CABLES1: variants seen among roughly 807,000 people sequenced by gnomAD.
CABLES1 encodes CDK5 and ABL1 enzyme substrate 1.
CABLES1 carries 36 observed loss-of-function variants against 57.8 expected under a neutral mutation model. That is an observed-to-expected ratio of 0.62 (90% CI 0.48 to 0.82). The LOEUF is 0.82. Ranked by LOEUF, CABLES1 falls within the 40% of genes least tolerant of loss-of-function variation. CABLES1 has a pLI of 0.00. For synonymous variants in CABLES1, 374 were observed against 363.0 expected (o/e 1.03, Z -0.35); for missense variants, 767 against 836.6 (o/e 0.92, Z 1.03).
rs143696210 is a variant in CABLES1, at chr18:23,175,863, T to C, written c.846-12975T>C. On this transcript the variant is annotated intron_variant, in intron 1 of 9. Coordinates refer to ENST00000256925, the MANE Select transcript of CABLES1 (RefSeq NM_001100619.3). ...TATGTACCAGGTAATGTGCTAATCA[T>C]TGAAGGGGTTTCAAAGAAAGAAAGA... 2.7e-3 allele frequency among the ~76,000 whole-genome samples: 418 copies of C among 152,302 alleles called. 1 individual carries two copies. Among genetic ancestry groups the C allele is most frequent in the Non-Finnish European group, 4.4e-3 (301 of 68,022 alleles).
chr18:23,169,986 G>A (rs2047071154), intron 1 of CABLES1, among the ~76,000 whole-genome samples: 1 of 152,262 alleles, frequency 6.6e-6, no homozygotes, highest in African/African-American at 2.4e-5. Flanking sequence ...CGCGTGGGAG[G>A]GGGTAGGATT....
At chr18:23,143,049 A>G (rs561391290) in intron 1 of CABLES1, among the ~76,000 whole-genome samples, 1 of 152,280 alleles carries the variant, frequency 6.6e-6, no homozygotes, top group African/African-American at 2.4e-5. Context: ...GCTGTGCTAC[A>G]ATTTACAGGT....
At chr18:23,224,791 G>T (rs988157700) in intron 4 of CABLES1, among the ~76,000 whole-genome samples, 1 of 151,714 alleles carries the variant, frequency 6.6e-6, no homozygotes, top group Non-Finnish European at 1.5e-5. Context: ...GGATGGTCTC[G>T]ATCTCCTGAC....
chr18:23,213,627 A>G (rs138632011), intron 3 of CABLES1, among the ~76,000 whole-genome samples: 1 of 152,226 alleles, frequency 6.6e-6, no homozygotes, highest in Admixed American at 6.5e-5. Context: ...TAAATGTGGC[A>G]TGACTGCTCA....
intron 3 of CABLES1, chr18:23,197,134 G>GAAA (rs1348749877): frequency 6.6e-6 from 1 of 152,198 alleles, no homozygotes; most frequent in African/African-American, 2.4e-5. Flanking sequence ...ACAGAAAGGG[G>GAAA]AAAACATGCT....
intron 1 of CABLES1, among the ~76,000 whole-genome samples, chr18:23,161,691 A>C (rs1336409032): frequency 1.3e-5 from 2 of 150,282 alleles, no homozygotes; most frequent in Non-Finnish European, 3.0e-5. Context: ...AGGGTGGATC[A>C]CAAGGTCAGG....
At chr18:23,190,440 C>T (rs891175141) in intron 2 of CABLES1, 24 of 152,178 alleles carry the variant, frequency 1.6e-4, no homozygotes, top group African/African-American at 2.9e-4. Context: ...AGGGCTCTCC[C>T]CTCTTCAGGA....
chr18:23,235,505 C>T (rs533250542), intron 5 of CABLES1, among the ~76,000 whole-genome samples: 87 of 152,240 alleles, frequency 5.7e-4, no homozygotes, highest in Non-Finnish European at 1.0e-3. Flanking sequence ...CCATGGCCCT[C>T]ACCAGGGACT....
chr18:23,236,190 C>A (rs1218067638), intron 6 of CABLES1, 139 bp downstream of exon 6: 11 of 903,526 alleles, frequency 1.2e-5, no homozygotes, highest in Non-Finnish European at 1.8e-5. Flanking sequence ...AGCCTGATCT[C>A]AAGCCATGCA....
chr18:23,156,462 C>T (rs182008567), intron 1 of CABLES1, among the ~76,000 whole-genome samples: 3 of 152,294 alleles, frequency 2.0e-5, no homozygotes, highest in Non-Finnish European at 4.4e-5. Context: ...GCTTTGTCCT[C>T]CTATAGTAGC....
In CABLES1 at chr18:23,253,626, T is replaced by C. The variant is rs2048093525; in HGVS notation, c.1554-103T>C. On this transcript the variant is annotated intron_variant, in intron 8 of 9. Transcript: ENST00000256925. The stretch of plus-strand genomic sequence containing the variant: ...CTTAATCCCAGTCCAGATCACCCTC[T>C]GGGAAAGAGAAAGAGAAAAAGCATT... The C allele has an allele frequency of 4.1e-6, 4 of 972,540 alleles. No homozygotes were observed. In the Admixed American group the frequency reaches 9.0e-5, roughly 22 times the overall value. The allele number at this position is 972,540 out of a possible 1,614,324, so 60.2% of individuals were successfully genotyped here.
Position 23,250,916 on chromosome 18 carries a change from A to T in CABLES1, c.1447-2044A>T, listed in dbSNP as rs141743131. ...AAGCAAAGAGAGGACCATCAAGATC[A>T]CTTGAACGGGGATGTGCTGGCTGCT... On this transcript the variant is annotated intron_variant, in intron 7 of 9. Coordinates refer to ENST00000256925, the MANE Select transcript of CABLES1 (RefSeq NM_001100619.3). Among the ~76,000 whole-genome samples, 308 of 152,330 alleles carry T rather than the reference A, an allele frequency of 2.0e-3. 1 individual carries two copies. Among genetic ancestry groups the T allele is most frequent in the African/African-American group, 6.9e-3 (287 of 41,584 alleles).
intron 1 of CABLES1, among the ~76,000 whole-genome samples, chr18:23,174,819 AC>A: frequency 1.4e-5 from 1 of 69,008 alleles, no homozygotes. Context: ...TACATGTTAC[AC>A]CATATATATA....
intron 1 of CABLES1, among the ~76,000 whole-genome samples, chr18:23,182,351 G>A (rs1172370609): frequency 1.3e-5 from 2 of 152,162 alleles, no homozygotes; most frequent in Admixed American, 1.3e-4. Context: ...ATTATCTGGA[G>A]GTTGGTTATG....
chr18:23,185,372 T>C (rs781049767), intron 1 of CABLES1, among the ~76,000 whole-genome samples: 9 of 152,172 alleles, frequency 5.9e-5, no homozygotes, highest in Non-Finnish European at 8.8e-5. Context: ...CTTCAGAGAC[T>C]GTTAATGGGA....
chr18:23,233,207 A>G (rs756610686), intron 4 of CABLES1, among the ~76,000 whole-genome samples: 17 of 152,168 alleles, frequency 1.1e-4, no homozygotes, highest in Non-Finnish European at 2.1e-4. Context: ...AGCCCATGCC[A>G]ACTGCCTGGG....
chr18:23,234,505 C>T, intron 4 of CABLES1, 103 bp from the exon 5 acceptor site: 2 of 861,208 alleles, frequency 2.3e-6, no homozygotes, highest in Non-Finnish European at 3.8e-6. Flanking sequence ...CTCACCTGGT[C>T]ATTTTCATCG....
chr18:23,255,336 C>T (rs990543525), intron 9 of CABLES1, among the ~76,000 whole-genome samples: 1 of 152,008 alleles, frequency 6.6e-6, no homozygotes, highest in Non-Finnish European at 1.5e-5. Flanking sequence ...TCTCACTTGT[C>T]TAGCTGTCTT....
At chr18:23,168,363 G>A (rs2047058307) in intron 1 of CABLES1, among the ~76,000 whole-genome samples, 1 of 152,234 alleles carries the variant, frequency 6.6e-6, no homozygotes, top group Non-Finnish European at 1.5e-5. Flanking sequence ...CCAGTAACAG[G>A]ACAAACAGTG....
Sources: gnomAD v4.1 joint callset for allele counts (sites outside exome capture counted in the v4.1 genomes callset) on GRCh38, gnomAD v4.1.1 for gene constraint, MANE v1.5 for transcripts, NCBI Gene and HGNC (gene_info 2026-07-23, HGNC 2026-07-21) for gene names.